The following RNF38 variants were observed in gnomAD, a reference collection of about 807,000 sequenced individuals.
The protein encoded by RNF38 is ring finger protein 38.
RNF38 carries 15 observed loss-of-function variants against 67.2 expected under a neutral mutation model. The ratio of observed to expected loss-of-function variants is 0.22; its 90% CI spans 0.15 to 0.34. RNF38 has a LOEUF of 0.34. Among genes scored for constraint, RNF38 ranks in the 10% least tolerant of loss-of-function variants. RNF38 has a pLI of 1.00. For synonymous variants in RNF38, 220 were observed against 218.8 expected (o/e 1.01, Z -0.05); for missense variants, 524 against 639.9 (o/e 0.82, Z 1.95).
intron 1 of RNF38, among the ~76,000 whole-genome samples, chr9:36,470,116 C>G (rs1165935553): frequency 6.6e-6 from 1 of 152,168 alleles, no homozygotes; most frequent in African/African-American, 2.4e-5. Flanking sequence ...TTAGCATCAC[C>G]TAGGAACCTG....
intron 1 of RNF38, among the ~76,000 whole-genome samples, chr9:36,469,124 C>A (rs1331909247): frequency 6.6e-6 from 1 of 151,930 alleles, no homozygotes; most frequent in East Asian, 1.9e-4. Context: ...AAAAGTAAAA[C>A]CTTACACAGA....
chr9:36,388,788 A>G (rs989565916), intron 2 of RNF38, among the ~76,000 whole-genome samples: 2 of 152,226 alleles, frequency 1.3e-5, no homozygotes, highest in East Asian at 3.8e-4. Context: ...AAAAGAAGGA[A>G]AAGTAGAAAG....
At chr9:36,455,910 CAAAA>C (rs557637828) in intron 1 of RNF38, among the ~76,000 whole-genome samples, 1 of 94,196 alleles carries the variant, frequency 1.1e-5, no homozygotes. Flanking sequence ...GACTCCACCT[CAAAA>C]AAAAAAAAAA....
At chr9:36,436,704 T>A (rs1275698119) in intron 1 of RNF38, among the ~76,000 whole-genome samples, 1 of 150,708 alleles carries the variant, frequency 6.6e-6, no homozygotes, top group African/African-American at 2.4e-5. Flanking sequence ...GCGCCTGTAG[T>A]CCCAGCTACT....
intron 2 of RNF38, among the ~76,000 whole-genome samples, chr9:36,385,238 A>T (rs1277176902): frequency 6.6e-6 from 1 of 152,156 alleles, no homozygotes; most frequent in East Asian, 1.9e-4. Context: ...TGAGAGGAAA[A>T]GTGGATTTTA....
At chr9:36,486,307 T>G (rs1202819148) in intron 1 of RNF38, among the ~76,000 whole-genome samples, 3 of 152,040 alleles carry the variant, frequency 2.0e-5, no homozygotes. Flanking sequence ...GGAAATCCCA[T>G]GTATTACATG....
chr9:36,387,169 C>G (rs1287118703), intron 2 of RNF38, among the ~76,000 whole-genome samples: 1 of 152,122 alleles, frequency 6.6e-6, no homozygotes, highest in African/African-American at 2.4e-5. Context: ...CAAGAAATAA[C>G]CATAAAAATG....
chr9:36,413,420 G>A (rs946501543), intron 2 of RNF38, among the ~76,000 whole-genome samples: 1 of 152,074 alleles, frequency 6.6e-6, no homozygotes, highest in Non-Finnish European at 1.5e-5. Flanking sequence ...CCAGCCTCAG[G>A]TATTTCTTTA....
intron 1 of RNF38, among the ~76,000 whole-genome samples, chr9:36,460,890 A>G (rs1374048480): frequency 6.8e-6 from 1 of 147,372 alleles, no homozygotes; most frequent in African/African-American, 2.6e-5. Flanking sequence ...TCTCTCAAAA[A>G]AAAAAAAAAA....
At chr9:36,420,239 A>C (rs1482580605) in intron 2 of RNF38, among the ~76,000 whole-genome samples, 1 of 152,166 alleles carries the variant, frequency 6.6e-6, no homozygotes, top group African/African-American at 2.4e-5. Flanking sequence ...CCTGGTTAAA[A>C]GGACAACCTT....
chr9:36,408,599 T>C (rs1266250386), intron 2 of RNF38, among the ~76,000 whole-genome samples: 1 of 152,234 alleles, frequency 6.6e-6, no homozygotes, highest in East Asian at 1.9e-4. Flanking sequence ...CAAACTATAA[T>C]CTAGGAGCTG....
upstream of RNF38, chr9:36,401,338 C>G: frequency 2.2e-6 from 1 of 458,026 alleles, no homozygotes; most frequent in Non-Finnish European, 2.9e-6. Context: ...CCGCAGGGCC[C>G]TGTTCCAATT....
rs533364688 is a variant in RNF38, at chr9:36,410,365, C to G, written n.312+14248G>C. ...TTTTTGAAATGGAGTCTTGCTCTGT[C>G]GCCCAGGCTGGAGTGCAATGGCATG... On this transcript the variant is annotated intron_variant and non_coding_transcript_variant, in intron 2 of 3. Transcript: ENST00000488058. Among the ~76,000 whole-genome samples, 10 of 152,272 alleles carry G rather than the reference C, an allele frequency of 6.6e-5. No homozygotes were observed. In the East Asian group the frequency reaches 1.5e-3, roughly 23 times the overall value.
intron 2 of RNF38, among the ~76,000 whole-genome samples, chr9:36,422,429 CAA>C (rs527953202): frequency 6.9e-6 from 1 of 143,934 alleles, no homozygotes. Context: ...CACCAAAAAA[CAA>C]AAAAAAAAAA....
At chr9:36,459,923 C>T (rs545634462) in intron 1 of RNF38, among the ~76,000 whole-genome samples, 4 of 151,634 alleles carry the variant, frequency 2.6e-5, no homozygotes, top group Non-Finnish European at 5.9e-5. Context: ...TTGTATTTTA[C>T]ACCTATGCAT....
intron 1 of RNF38, chr9:36,424,696 G>C: frequency 1.0e-6 from 1 of 976,828 alleles, no homozygotes; most frequent in Non-Finnish European, 1.2e-6. Flanking sequence ...ACAAGAAAAA[G>C]GGAGGAAAGG....
intron 2 of RNF38, among the ~76,000 whole-genome samples, chr9:36,388,699 A>C (rs1276908872): frequency 6.6e-6 from 1 of 152,214 alleles, no homozygotes; most frequent in Non-Finnish European, 1.5e-5. Context: ...CAGAAAAGAC[A>C]GGAGTTTAAA....
intron 4 of RNF38, among the ~76,000 whole-genome samples, chr9:36,365,895 AC>A (rs1834917102): frequency 1.3e-5 from 2 of 151,756 alleles, no homozygotes; most frequent in African/African-American, 4.8e-5. Context: ...CAAACTCCTG[AC>A]CTTGTGATCC....
At chr9:36,389,473 C>T (rs188961194) in intron 2 of RNF38, among the ~76,000 whole-genome samples, 23 of 152,230 alleles carry the variant, frequency 1.5e-4, no homozygotes, top group African/African-American at 4.8e-4. Context: ...CAAATAACTA[C>T]ATATGTGATT....
Sources: gnomAD v4.1 joint callset for allele counts (sites outside exome capture counted in the v4.1 genomes callset) on GRCh38, gnomAD v4.1.1 for gene constraint, MANE v1.5 for transcripts, NCBI Gene and HGNC (gene_info 2026-07-23, HGNC 2026-07-21) for gene names.